Variants in ATRNL1 observed in about 807,000 individuals in gnomAD.
ATRNL1 encodes attractin like 1.
A neutral mutation model predicts 182.7 loss-of-function variants in ATRNL1; 95 were observed. The ratio of observed to expected loss-of-function variants is 0.52; its 90% CI spans 0.44 to 0.62. The LOEUF is 0.62. Ranked by LOEUF, ATRNL1 falls within the 20% of genes least tolerant of loss-of-function variation. The probability of loss-of-function intolerance (pLI) is 0.00; values close to 1 mark genes in which losing one functional copy is unlikely to be tolerated. For synonymous variants in ATRNL1, 576 were observed against 568.3 expected (o/e 1.01, Z -0.19); for missense variants, 1,471 against 1,679.5 (o/e 0.88, Z 2.17).
intron 27 of ATRNL1, among the ~76,000 whole-genome samples, chr10:115,818,853 G>T (rs1555089389): frequency 1.3e-5 from 2 of 152,036 alleles, no homozygotes; most frequent in African/African-American, 4.8e-5. Context: ...TGCCATGCTA[G>T]TCACTGGCAA....
chr10:115,152,448 T>G (rs1395764717), intron 5 of ATRNL1, among the ~76,000 whole-genome samples: 126 of 152,334 alleles, frequency 8.3e-4, no homozygotes, highest in Non-Finnish European at 1.5e-3. Context: ...GTAAGTTGGA[T>G]TCCTAGGTAT....
intron 26 of ATRNL1, among the ~76,000 whole-genome samples, chr10:115,579,239 C>G (rs1340890555): frequency 6.6e-6 from 1 of 151,538 alleles, no homozygotes; most frequent in Non-Finnish European, 1.5e-5. Flanking sequence ...ATTTAATGTT[C>G]CTTTATTGAA....
At chr10:115,562,870 G>C (rs1246223679) in intron 26 of ATRNL1, among the ~76,000 whole-genome samples, 2 of 152,034 alleles carry the variant, frequency 1.3e-5, no homozygotes, top group African/African-American at 4.8e-5. Flanking sequence ...TGTGAGAATG[G>C]GCTAATACAT....
intron 19 of ATRNL1, among the ~76,000 whole-genome samples, chr10:115,369,348 G>GGATAGGATTCTGTGAAGGC: frequency 6.6e-6 from 1 of 151,744 alleles, no homozygotes; most frequent in African/African-American, 2.4e-5. Flanking sequence ...TCTGTGAAGG[G>GGATAGGATTCTGTGAAGGC]GATAGGATTC....
chr10:115,738,074 A>G (rs1351056257), intron 27 of ATRNL1, among the ~76,000 whole-genome samples: 1 of 150,288 alleles, frequency 6.7e-6, no homozygotes, highest in African/African-American at 2.4e-5. Context: ...GACAGAAGGA[A>G]ATTGTAAGGA....
chr10:115,520,691 T>C (rs1850881227), intron 25 of ATRNL1, among the ~76,000 whole-genome samples: 1 of 152,142 alleles, frequency 6.6e-6, no homozygotes, highest in African/African-American at 2.4e-5. Context: ...CCCTATGATA[T>C]CTCTCCTAAT....
chr10:115,588,192 C>A (rs1230304703), intron 26 of ATRNL1, among the ~76,000 whole-genome samples: 2 of 152,124 alleles, frequency 1.3e-5, no homozygotes, highest in Non-Finnish European at 2.9e-5. Context: ...CGGAATCATT[C>A]TAGACTGTCC....
At chr10:115,247,459 A>G (rs1018035951) in intron 10 of ATRNL1, among the ~76,000 whole-genome samples, 2 of 152,240 alleles carry the variant, frequency 1.3e-5, no homozygotes, top group African/African-American at 4.8e-5. Context: ...AGGGAAATAC[A>G]AATCAAAACA....
At chr10:115,456,244 A>G (rs1281563639) in intron 21 of ATRNL1, among the ~76,000 whole-genome samples, 1 of 152,172 alleles carries the variant, frequency 6.6e-6, no homozygotes, top group Non-Finnish European at 1.5e-5. Context: ...CCAAATTCCC[A>G]TTATGTTAGA....
intron 26 of ATRNL1, among the ~76,000 whole-genome samples, chr10:115,576,790 A>G (rs1854739015): frequency 1.3e-5 from 2 of 151,956 alleles, no homozygotes; most frequent in Admixed American, 6.6e-5. Context: ...TTGCTGTGAT[A>G]CCCAAAAAAA....
intron 20 of ATRNL1, among the ~76,000 whole-genome samples, chr10:115,411,635 G>A (rs754779942): frequency 6.6e-6 from 1 of 151,960 alleles, no homozygotes; most frequent in Non-Finnish European, 1.5e-5. Flanking sequence ...GTCTTGAAGG[G>A]TTCTGAGTTT....
intron 21 of ATRNL1, among the ~76,000 whole-genome samples, chr10:115,459,319 G>A (rs555632933): frequency 1.3e-5 from 2 of 152,226 alleles, no homozygotes; most frequent in South Asian, 2.1e-4. Flanking sequence ...CTAGTTAGCC[G>A]GGCAGAACAG....
chr10:115,186,651 C>A (rs1217349570), intron 8 of ATRNL1, among the ~76,000 whole-genome samples: 2 of 151,994 alleles, frequency 1.3e-5, no homozygotes, highest in African/African-American at 4.8e-5. Context: ...AAAATAAAAA[C>A]AAACTCATGG....
At chr10:115,363,390 T>C (rs1307168495) in intron 19 of ATRNL1, among the ~76,000 whole-genome samples, 2 of 143,174 alleles carry the variant, frequency 1.4e-5, no homozygotes, top group East Asian at 2.1e-4. Context: ...GTAAATTTGT[T>C]TGAGTTCATT....
At chr10:115,141,381 G>A (rs1431547594) in intron 5 of ATRNL1, among the ~76,000 whole-genome samples, 1 of 152,014 alleles carries the variant, frequency 6.6e-6, no homozygotes, top group Non-Finnish European at 1.5e-5. Context: ...ATTTTATCAA[G>A]CATTGGTTCT....
At chr10:115,477,403 C>G (rs1554973370) in intron 24 of ATRNL1, among the ~76,000 whole-genome samples, 1 of 151,550 alleles carries the variant, frequency 6.6e-6, no homozygotes, top group Non-Finnish European at 1.5e-5. Flanking sequence ...ACATTCTTAA[C>G]TGGGCATGCC....
chr10:115,314,334 G>T (rs1327032030), intron 17 of ATRNL1, among the ~76,000 whole-genome samples: 1 of 152,112 alleles, frequency 6.6e-6, no homozygotes, highest in Non-Finnish European at 1.5e-5. Flanking sequence ...TATTATCTGT[G>T]CAGAGTCAAC....
intron 20 of ATRNL1, among the ~76,000 whole-genome samples, chr10:115,396,975 T>C (rs1335426076): frequency 6.6e-6 from 1 of 151,936 alleles, no homozygotes; most frequent in African/African-American, 2.4e-5. Context: ...AGGATAATAA[T>C]GGAATACTAA....
At chr10:115,759,245 T>C (rs781849953) in intron 27 of ATRNL1, among the ~76,000 whole-genome samples, 18 of 152,222 alleles carry the variant, frequency 1.2e-4, no homozygotes, top group Non-Finnish European at 2.6e-4. Flanking sequence ...TAAATCAGGG[T>C]TTCTCAACTA....
Sources: gnomAD v4.1 joint callset for allele counts (sites outside exome capture counted in the v4.1 genomes callset) on GRCh38, gnomAD v4.1.1 for gene constraint, MANE v1.5 for transcripts, NCBI Gene and HGNC (gene_info 2026-07-23, HGNC 2026-07-21) for gene names.